The following PRDM8 variants were observed in gnomAD, a reference collection of about 807,000 sequenced individuals.
PRDM8 encodes the protein PR/SET domain 8.
PRDM8 carries 13 observed loss-of-function variants against 46.5 expected under a neutral mutation model. The observed-to-expected ratio is 0.28, with a 90% CI of 0.18 to 0.44. The LOEUF is 0.44. Among genes scored for constraint, PRDM8 ranks in the 20% least tolerant of loss-of-function variants. The pLI, the probability that PRDM8 is intolerant of heterozygous loss-of-function variation, is 1.00. For synonymous variants in PRDM8, 473 were observed against 438.4 expected (o/e 1.08, Z -0.98); for missense variants, 998 against 955.0 (o/e 1.04, Z -0.59).
upstream of PRDM8, among the ~76,000 whole-genome samples, chr4:80,193,555 C>A (rs1022877691): frequency 4.6e-5 from 7 of 152,298 alleles, no homozygotes; most frequent in African/African-American, 1.7e-4. Flanking sequence ...TTGACCAGCC[C>A]ATCATTTCTG....
chr4:80,196,846 G>T (rs1296138851), upstream of PRDM8: 1 of 939,564 alleles, frequency 1.1e-6, no homozygotes, highest in South Asian at 4.9e-5. Context: ...GGGACTAGGA[G>T]GTACCGTTAT....
rs1369682541 is a variant in PRDM8 at position 80,202,876 on chromosome 4, A to G, written c.1414A>G (p.Thr472Ala). The change falls in exon 4 of 4, where the codon ACC becomes GCC. Residue 472 changes from threonine to alanine, a missense_variant. By Grantham distance (58) the Thr-to-Ala change is moderately conservative. Transcript: ENST00000415738. ...SVPQLGSAGSTSGGGGTGAGA... is the reference protein window; with the variant it reads ...SVPQLGSAGSASGGGGTGAGA... ...GCCGCAGCTGGGCAGCGCGGGCAGC[A>G]CCAGCGGTGGGGGCGGAACGGGCGC... The G allele has an allele frequency of 1.6e-6, 2 of 1,279,618 alleles. No individual in the cohort carries two copies. The highest frequency in any genetic ancestry group is 2.0e-6 in the Non-Finnish European group (2 of 1,021,694). 79.3% of individuals were successfully genotyped at this position (1,279,618 alleles called of 1,614,324 possible).
At chr4:80,201,576 G>GC in intron 3 of PRDM8, 55 bp downstream of exon 3, 1 of 1,541,896 alleles carries the variant, frequency 6.5e-7, no homozygotes, top group Non-Finnish European at 8.9e-7. Flanking sequence ...GAGAGACGCA[G>GC]GGAGCGGCAG....
chr4:80,193,652 C>T (rs1737716392), upstream of PRDM8, among the ~76,000 whole-genome samples: 1 of 152,152 alleles, frequency 6.6e-6, no homozygotes, highest in Non-Finnish European at 1.5e-5. Flanking sequence ...ATACAATACT[C>T]CTCCTTGAAG....
At chr4:80,187,105 C>T (rs929435131) in intron 1 of PRDM8, among the ~76,000 whole-genome samples, 2 of 152,118 alleles carry the variant, frequency 1.3e-5, no homozygotes, top group Non-Finnish European at 2.9e-5. Flanking sequence ...GTCTCCTTTG[C>T]CCCCAGGGTA....
At chr4:80,187,244 T>TGCGGAGGG (rs60061648) in intron 1 of PRDM8, among the ~76,000 whole-genome samples, 1 of 89,924 alleles carries the variant, frequency 1.1e-5, no homozygotes, top group African/African-American at 4.4e-5. Context: ...TTCTCTGCCC[T>TGCGGAGGG]GGGGCGGGGG....
intron 3 of PRDM8, 21 bp downstream of exon 3, chr4:80,201,542 C>T (rs766140098): frequency 1.2e-6 from 2 of 1,604,024 alleles, no homozygotes; most frequent in Non-Finnish European, 1.7e-6. Context: ...TCGCGACCGG[C>T]GTGTGGGCCC....
rs1032269378 is a variant in PRDM8, at chr4:80,204,193, G to A, written c.*661G>A. 9.2e-5 allele frequency: 14 copies of A among 152,642 alleles called. No individual in the cohort carries two copies. Among genetic ancestry groups the A allele is most frequent in the African/African-American group, 3.4e-4 (14 of 41,456 alleles). The allele number at this position is 152,642 out of a possible 1,614,324, so 9.5% of individuals were successfully genotyped here. A position where few individuals can be genotyped will look rare whatever the true frequency, so the allele number is the denominator to read the frequency against. On this transcript the variant is annotated 3_prime_UTR_variant, in exon 4 of 4. Coordinates refer to ENST00000415738, the MANE Select transcript of PRDM8 (RefSeq NM_001099403.2). ...CATATGTATTTTCTTTTAATACAAA[G>A]TGTAATTTTGTGCCAGTGAAATGGA... is the stretch of plus-strand genomic sequence containing the variant.
chr4:80,192,603 T>C (rs1477410713), upstream of PRDM8, among the ~76,000 whole-genome samples: 2 of 152,134 alleles, frequency 1.3e-5, no homozygotes, highest in African/African-American at 2.4e-5. Context: ...CTGAGATGCG[T>C]TCAAAGGGTG....
upstream of PRDM8, chr4:80,197,177 T>A: frequency 3.0e-6 from 3 of 985,436 alleles, no homozygotes; most frequent in Non-Finnish European, 3.6e-6. Flanking sequence ...CTTCTCCAAG[T>A]GCCTAGTGAA....
intron 2 of PRDM8, among the ~76,000 whole-genome samples, chr4:80,192,494 C>A (rs933569918): frequency 1.3e-5 from 2 of 152,130 alleles, no homozygotes; most frequent in Non-Finnish European, 2.9e-5. Context: ...TGCTAGACAT[C>A]CCCTGATCTG....
intron 1 of PRDM8, among the ~76,000 whole-genome samples, chr4:80,191,288 T>A (rs558049238): frequency 6.6e-6 from 1 of 152,362 alleles, no homozygotes; most frequent in East Asian, 1.9e-4. Flanking sequence ...TATTCAGGCC[T>A]AAGTTAAATT....
chr4:80,203,760 A>T lies in PRDM8; in HGVS notation c.*228A>T, dbSNP rs937423873. 1.7e-5 allele frequency: 8 copies of T among 473,084 alleles called. 1 individual carries two copies. Among genetic ancestry groups the T allele is most frequent in the Admixed American group, 7.9e-5 (2 of 25,298 alleles). The allele number at this position is 473,084 out of a possible 1,614,324, so 29.3% of individuals were successfully genotyped here. ...CACACCCCCCCCCACACACACACACAGACACACTCACACACAAGAGCCAGG... is the reference window on the plus strand; with the variant it reads ...CACACCCCCCCCCACACACACACACTGACACACTCACACACAAGAGCCAGG... On this transcript the variant is annotated 3_prime_UTR_variant, in exon 4 of 4. Coordinates refer to ENST00000415738, the MANE Select transcript of PRDM8 (RefSeq NM_001099403.2).
At chr4:80,201,568 G>C in intron 3 of PRDM8, 47 bp downstream of exon 3, 2 of 1,568,134 alleles carry the variant, frequency 1.3e-6, no homozygotes, top group Non-Finnish European at 1.8e-6. Flanking sequence ...TAGCGGGGGA[G>C]AGACGCAGGG....
At chr4:80,187,105 C>A (rs929435131) in intron 1 of PRDM8, among the ~76,000 whole-genome samples, 2 of 152,116 alleles carry the variant, frequency 1.3e-5, no homozygotes, top group South Asian at 2.1e-4. Flanking sequence ...GTCTCCTTTG[C>A]CCCCAGGGTA....
intron 1 of PRDM8, among the ~76,000 whole-genome samples, chr4:80,198,327 C>G (rs976498478): frequency 6.6e-6 from 1 of 152,024 alleles, no homozygotes; most frequent in Non-Finnish European, 1.5e-5. Context: ...GGCGACCTCC[C>G]GGCACAATGA....
intron 1 of PRDM8, among the ~76,000 whole-genome samples, chr4:80,189,477 C>A (rs987977193): frequency 6.6e-6 from 1 of 152,158 alleles, no homozygotes; most frequent in African/African-American, 2.4e-5. Context: ...GGATGACTGC[C>A]TTTCCTTCCA....
rs1738500940 is a variant in PRDM8, at chr4:80,201,970, T to C, written c.508T>C (p.Tyr170His). The C allele has an allele frequency of 3.1e-6, 5 of 1,614,094 alleles. No individual in the cohort carries two copies. Among genetic ancestry groups the C allele is most frequent in the Non-Finnish European group, 3.4e-6 (4 of 1,180,014 alleles). ...CSQRFQFEFP[Y>H]VAHLRFRCPK... The stretch of plus-strand genomic sequence containing the variant: ...CCAACGTTTCCAGTTTGAGTTCCCC[T>C]ATGTGGCGCATCTGCGTTTCCGCTG... Residue 170 changes from tyrosine (Y) to histidine (H), a missense_variant, in exon 4 of 4, where the codon TAT becomes CAT. By Grantham distance (83) the Tyr-to-His change is moderately conservative. Transcript: ENST00000415738.
chr4:80,196,468 C>G, upstream of PRDM8: 2 of 985,446 alleles, frequency 2.0e-6, no homozygotes, highest in Non-Finnish European at 2.4e-6. Flanking sequence ...TTAGCATCAG[C>G]TGCTGCACTA....
Sources: gnomAD v4.1 joint callset for allele counts (sites outside exome capture counted in the v4.1 genomes callset) on GRCh38, gnomAD v4.1.1 for gene constraint, MANE v1.5 for transcripts, NCBI Gene and HGNC (gene_info 2026-07-23, HGNC 2026-07-21) for gene names.